PDE7A: variants seen among roughly 807,000 people sequenced by gnomAD.
PDE7A encodes phosphodiesterase 7A, also known as high affinity 3',5'-cyclic-AMP phosphodiesterase 7A.
A neutral mutation model predicts 64.3 loss-of-function variants in PDE7A; 39 were observed. The observed-to-expected ratio is 0.61, with a 90% confidence interval of 0.47 to 0.79. The LOEUF (loss-of-function observed/expected upper bound fraction) is 0.79, where lower values mean the gene tolerates loss of function less well. PDE7A is among the 30% of genes least tolerant of loss of function. The pLI, the probability that PDE7A is intolerant of heterozygous loss-of-function variation, is 0.00. For synonymous variants in PDE7A, 203 were observed against 206.8 expected (o/e 0.98, Z 0.16); for missense variants, 470 against 582.8 (o/e 0.81, Z 1.99).
chr8:65,802,423 C>T (rs1489080979), intron 1 of PDE7A, among the ~76,000 whole-genome samples: 1 of 152,182 alleles, frequency 6.6e-6, no homozygotes, highest in Non-Finnish European at 1.5e-5. Flanking sequence ...TCTCTCTAGT[C>T]TGAAATTCAT....
chr8:65,814,614 T>A (rs1810348594), intron 1 of PDE7A, among the ~76,000 whole-genome samples: 1 of 152,094 alleles, frequency 6.6e-6, no homozygotes, highest in Admixed American at 6.6e-5. Context: ...GTGAACAAAT[T>A]TTCAGAAAAA....
At chr8:65,762,991 ATGTGTGTG>A (rs34371328) in intron 3 of PDE7A, among the ~76,000 whole-genome samples, 9,110 of 138,566 alleles carry the variant, frequency 0.066, 840 homozygotes, top group African/African-American at 0.21. Context: ...TATAAAAACA[ATGTGTGTG>A]TGTGTGTGTG....
chr8:65,789,542 T>C (rs1809645006), intron 1 of PDE7A, among the ~76,000 whole-genome samples: 1 of 152,240 alleles, frequency 6.6e-6, no homozygotes. Context: ...CTTAACATTA[T>C]AATTCACTCA....
intron 7 of PDE7A, chr8:65,727,976 G>T (rs774294003): frequency 6.6e-6 from 1 of 152,124 alleles, no homozygotes; most frequent in Non-Finnish European, 1.5e-5. Context: ...ATAAATAAAA[G>T]TTTATGATTA....
At chr8:65,787,931 A>G (rs1809605565) in intron 1 of PDE7A, among the ~76,000 whole-genome samples, 1 of 152,246 alleles carries the variant, frequency 6.6e-6, no homozygotes. Context: ...ATTAATTCTT[A>G]ACTTTTAAAA....
chr8:65,797,919 T>C (rs964092046), intron 1 of PDE7A, among the ~76,000 whole-genome samples: 13 of 150,958 alleles, frequency 8.6e-5, no homozygotes, highest in Non-Finnish European at 1.8e-4. Context: ...AGAAAATGTA[T>C]GAGAATATAT....
Position 65,747,724 on chromosome 8 carries a change from T to G in PDE7A, c.363A>C (p.Ser121=). ...LLSFQRYLRS[S]RFFRGTAVSN... ...AAACCGCAGTACCACGAAAAAAGCG[T>G]GAAGATCTAAGATATCGCTGGAAAC... The change falls in exon 4 of 13, where the codon TCA becomes TCC. Residue 121 remains serine, a synonymous_variant. Coordinates refer to ENST00000401827, the MANE Select transcript of PDE7A (RefSeq NM_001242318.3). 1 of 1,611,366 alleles carries G rather than the reference T, an allele frequency of 6.2e-7. No homozygotes were observed. The highest frequency in any genetic ancestry group is 8.5e-7 in the Non-Finnish European group (1 of 1,177,756).
At chr8:65,791,873 G>C (rs1809711520) in intron 1 of PDE7A, among the ~76,000 whole-genome samples, 1 of 151,922 alleles carries the variant, frequency 6.6e-6, no homozygotes, top group Non-Finnish European at 1.5e-5. Context: ...TAAACCTAAT[G>C]GCTGTAAGAC....
intron 1 of PDE7A, among the ~76,000 whole-genome samples, chr8:65,825,834 C>T (rs1333561235): frequency 1.3e-5 from 2 of 152,154 alleles, no homozygotes; most frequent in Non-Finnish European, 2.9e-5. Flanking sequence ...TGGCTGACCA[C>T]ATATTCAATG....
intron 1 of PDE7A, among the ~76,000 whole-genome samples, chr8:65,785,490 T>C (rs1217397282): frequency 1.3e-5 from 2 of 152,148 alleles, no homozygotes; most frequent in Non-Finnish European, 2.9e-5. Context: ...TCCTGCAGTG[T>C]TTCATGGTAT....
At position 65,841,363 on chromosome 8, in the gene PDE7A, G is replaced by A; in HGVS notation, c.138+8C>T. 1 of 1,538,026 alleles carries A rather than the reference G, an allele frequency of 6.5e-7. No individual in the cohort carries two copies. The highest frequency in any genetic ancestry group is 8.7e-7 in the Non-Finnish European group (1 of 1,145,884). ...GCCCTCAAGTGTGGGCCCGGCGGCG[G>A]CGATTACCTGAGAGAGCTGCCGGGG... On this transcript the variant is annotated splice_region_variant and intron_variant, in intron 1 of 12. Transcript: ENST00000401827.
At chr8:65,832,393 C>A (rs185167176) in intron 1 of PDE7A, among the ~76,000 whole-genome samples, 1 of 152,156 alleles carries the variant, frequency 6.6e-6, no homozygotes, top group East Asian at 1.9e-4. Flanking sequence ...TGAAGATTAA[C>A]CTTTATCTAC....
chr8:65,782,035 TGAA>T (rs1440537212), intron 2 of PDE7A, among the ~76,000 whole-genome samples: 1 of 152,078 alleles, frequency 6.6e-6, no homozygotes, highest in East Asian at 1.9e-4. Flanking sequence ...AAGGAATTAG[TGAA>T]GGTGGCAAAG....
chr8:65,801,409 A>T (rs1323238842), intron 1 of PDE7A, among the ~76,000 whole-genome samples: 1 of 152,204 alleles, frequency 6.6e-6, no homozygotes, highest in Non-Finnish European at 1.5e-5. Context: ...TGCAACAAGT[A>T]AAGTAATGAA....
Position 65,741,796 on chromosome 8 carries a change from C to T in PDE7A, c.500-2199G>A, listed in dbSNP as rs188217764. Among the ~76,000 whole-genome samples, 167 of 152,254 alleles carry T rather than the reference C, an allele frequency of 1.1e-3. 2 individuals carry two copies. Among genetic ancestry groups the T allele is most frequent in the Admixed American group, 8.3e-3 (127 of 15,290 alleles). Reference sequence around the variant, plus strand: ...TGTATATTTAGATTATCATAAGGTTCTCCAAATTGTTTTTCAAATGTAACA... The same window carrying T: ...TGTATATTTAGATTATCATAAGGTTTTCCAAATTGTTTTTCAAATGTAACA... On this transcript the variant is annotated intron_variant, in intron 5 of 12. Transcript: ENST00000401827.
In PDE7A at chr8:65,714,914, A is replaced by T. The variant is rs577515493; in HGVS notation, c.*4376T>A. Reference sequence around the variant, plus strand: ...TAAAATATGATTTTTACTTTTATACAGAGTATCATTACCAACCATCACATT... The same window carrying T: ...TAAAATATGATTTTTACTTTTATACTGAGTATCATTACCAACCATCACATT... On this transcript the variant is annotated 3_prime_UTR_variant, in exon 13 of 13. Coordinates refer to ENST00000401827, the MANE Select transcript of PDE7A (RefSeq NM_001242318.3). 1 of 152,222 alleles carries T rather than the reference A, an allele frequency of 6.6e-6. No homozygotes were observed. Among genetic ancestry groups the T allele is most frequent in the Non-Finnish European group, 1.5e-5 (1 of 68,046 alleles). The allele number at this position is 152,222 out of a possible 1,614,324, so 9.4% of individuals were successfully genotyped here. A position where few individuals can be genotyped will look rare whatever the true frequency, so the allele number is the denominator to read the frequency against.
chr8:65,786,960 T>C (rs1809574118), intron 1 of PDE7A, among the ~76,000 whole-genome samples: 1 of 152,192 alleles, frequency 6.6e-6, no homozygotes, highest in Non-Finnish European at 1.5e-5. Context: ...AAGACTCACC[T>C]TGAATTAGGG....
chr8:65,770,951 G>A (rs936617995), intron 3 of PDE7A: 3 of 251,558 alleles, frequency 1.2e-5, no homozygotes, highest in African/African-American at 7.0e-5. Context: ...TTTCAGAAAA[G>A]ACTCGTTAAA....
intron 5 of PDE7A, among the ~76,000 whole-genome samples, chr8:65,744,991 T>C (rs1440873642): frequency 6.6e-6 from 1 of 152,204 alleles, no homozygotes; most frequent in Non-Finnish European, 1.5e-5. Context: ...AATTCCCATG[T>C]GTTGTGGGAG....
Sources: allele counts gnomAD v4.1 joint callset (sites outside exome capture counted in the v4.1 genomes callset), GRCh38; gene constraint gnomAD v4.1.1; transcripts MANE v1.5; gene names NCBI Gene and HGNC (gene_info 2026-07-23, HGNC 2026-07-21).